Variants in RUNX1 observed in about 807,000 individuals in gnomAD.
RUNX1 encodes RUNX family transcription factor 1.
RUNX1 carries 19 observed loss-of-function variants against 42.8 expected under a neutral mutation model. The ratio of observed to expected loss-of-function variants is 0.44; its 90% CI spans 0.31 to 0.65. RUNX1 has a LOEUF of 0.65. Among genes scored for constraint, RUNX1 ranks in the 30% least tolerant of loss-of-function variants. The probability of loss-of-function intolerance (pLI) is 0.07; values close to 1 mark genes in which losing one functional copy is unlikely to be tolerated. For missense variants in RUNX1, 528 were observed against 672.0 expected (o/e 0.79, Z 2.37); for synonymous variants, 271 against 289.4 (o/e 0.94, Z 0.64).
intron 7 of RUNX1, chr21:34,821,446 T>G: frequency 7.3e-7 from 1 of 1,362,720 alleles, no homozygotes; most frequent in East Asian, 2.6e-5. Context: ...CTAACTCATT[T>G]AATCCTCACA....
At chr21:34,841,766 A>T (rs1022485997) in intron 6 of RUNX1, among the ~76,000 whole-genome samples, 1 of 152,076 alleles carries the variant, frequency 6.6e-6, no homozygotes, top group Non-Finnish European at 1.5e-5. Flanking sequence ...CTGAAATGTC[A>T]TCTTCTCCCT....
At chr21:34,959,570 A>G (rs1023543288) in intron 2 of RUNX1, among the ~76,000 whole-genome samples, 2 of 152,204 alleles carry the variant, frequency 1.3e-5, no homozygotes, top group Non-Finnish European at 2.9e-5. Flanking sequence ...TGCATTAAAA[A>G]TAAGACCAGA....
At chr21:34,837,406 T>G (rs1313403073) in intron 6 of RUNX1, among the ~76,000 whole-genome samples, 1 of 152,174 alleles carries the variant, frequency 6.6e-6, no homozygotes, top group Non-Finnish European at 1.5e-5. Flanking sequence ...AGGGTGTGGT[T>G]TGGATGCACT....
intron 2 of RUNX1, among the ~76,000 whole-genome samples, chr21:34,997,684 T>G (rs2059007211): frequency 1.3e-5 from 2 of 152,242 alleles, no homozygotes; most frequent in Admixed American, 1.3e-4. Context: ...GAGCTCTTTC[T>G]GTGTGGAGAT....
intron 2 of RUNX1, among the ~76,000 whole-genome samples, chr21:34,996,832 T>TA (rs572431130): frequency 1.4e-4 from 21 of 151,202 alleles, no homozygotes; most frequent in African/African-American, 9.7e-5. Context: ...GCCAAGATGT[T>TA]AAAAAAAAAT....
intron 7 of RUNX1, among the ~76,000 whole-genome samples, chr21:34,828,422 T>C (rs1405005972): frequency 6.6e-6 from 1 of 152,238 alleles, no homozygotes; most frequent in Non-Finnish European, 1.5e-5. Context: ...AAATGTTTCC[T>C]TGCATCTCAC....
intron 2 of RUNX1, among the ~76,000 whole-genome samples, chr21:34,905,067 T>C (rs2058207290): frequency 6.6e-6 from 1 of 152,148 alleles, no homozygotes; most frequent in Non-Finnish European, 1.5e-5. Context: ...TCAAATTGAG[T>C]CAGGTCCTGA....
At chr21:34,976,587 G>A (rs955877699) in intron 2 of RUNX1, among the ~76,000 whole-genome samples, 1 of 152,182 alleles carries the variant, frequency 6.6e-6, no homozygotes, top group African/African-American at 2.4e-5. Context: ...CACCGTGGAA[G>A]CTCTCTGATG....
chr21:34,830,688 G>C (rs2057051147), intron 7 of RUNX1, among the ~76,000 whole-genome samples: 1 of 152,096 alleles, frequency 6.6e-6, no homozygotes, highest in South Asian at 2.1e-4. Flanking sequence ...TTGAGATACT[G>C]GGCAATTTTT....
At position 34,991,779 on chromosome 21, in the gene RUNX1, G is replaced by A. The variant is rs529577083; in HGVS notation, c.58+57063C>T. On this transcript the variant is annotated intron_variant, in intron 2 of 8. Transcript: ENST00000675419. ...GAATGTGACCTTATTTGGATATAGC[G>A]TTTTTGAAGAAGTAACTGGTTAAGA... Among the ~76,000 whole-genome samples the A allele has an allele frequency of 1.4e-4, 22 of 152,268 alleles. No homozygotes were observed. In the East Asian group the frequency reaches 1.9e-3, roughly 13 times the overall value.
chr21:34,993,524 C>T (rs527325555), intron 2 of RUNX1, among the ~76,000 whole-genome samples: 2,344 of 139,820 alleles, frequency 0.017, 37 homozygotes, highest in Non-Finnish European at 0.022. Context: ...CACACACACA[C>T]ACATACATAC....
At position 34,875,823 on chromosome 21, in the gene RUNX1, A is replaced by G. The variant is rs190686597; in HGVS notation, c.508+4734T>C. Among the ~76,000 whole-genome samples, 81 of 152,240 alleles carry G rather than the reference A, an allele frequency of 5.3e-4. 1 individual carries two copies. In the South Asian group the frequency reaches 7.7e-3, roughly 14 times the overall value. ...TGTACCTTCCCTTCCTCTTGACCAC[A>G]GTCTTCCACTCACCTGAAGGGCAAC... is the stretch of plus-strand genomic sequence containing the variant. On this transcript the variant is annotated intron_variant, in intron 5 of 8. Coordinates refer to ENST00000675419, the MANE Select transcript of RUNX1 (RefSeq NM_001754.5).
intron 2 of RUNX1, among the ~76,000 whole-genome samples, chr21:34,967,481 C>A (rs1431050244): frequency 1.3e-5 from 2 of 151,258 alleles, no homozygotes; most frequent in Admixed American, 1.3e-4. Context: ...CGCCATCCAG[C>A]CCTGAACACA....
chr21:34,889,886 C>G (rs1331659171), intron 3 of RUNX1: 1 of 1,055,578 alleles, frequency 9.5e-7, no homozygotes, highest in Non-Finnish European at 1.2e-6. Flanking sequence ...CTCCCGGGGC[C>G]TCTCATCCAC....
chr21:35,041,232 G>A (rs192130841), intron 2 of RUNX1, among the ~76,000 whole-genome samples: 166 of 152,306 alleles, frequency 1.1e-3, no homozygotes, highest in Non-Finnish European at 1.8e-3. Context: ...CAAAATGTTG[G>A]AGCTGCATAG....
chr21:34,946,531 A>G (rs1016328659), intron 2 of RUNX1, among the ~76,000 whole-genome samples: 2 of 152,184 alleles, frequency 1.3e-5, no homozygotes, highest in African/African-American at 4.8e-5. Flanking sequence ...AGTTACAATA[A>G]GGTGCTGTAC....
At chr21:35,028,613 G>A (rs1198188624) in intron 2 of RUNX1, among the ~76,000 whole-genome samples, 2 of 152,298 alleles carry the variant, frequency 1.3e-5, no homozygotes, top group Middle Eastern at 3.4e-3. Flanking sequence ...TAGGCCACTC[G>A]ATTCTCATTT....
intron 2 of RUNX1, among the ~76,000 whole-genome samples, chr21:35,014,306 A>G (rs1356940627): frequency 6.6e-6 from 1 of 152,200 alleles, no homozygotes; most frequent in South Asian, 2.1e-4. Context: ...TAATATTTCA[A>G]TCTCCTGCAG....
intron 2 of RUNX1, among the ~76,000 whole-genome samples, chr21:34,964,789 G>A (rs991133860): frequency 4.6e-5 from 7 of 152,158 alleles, no homozygotes; most frequent in South Asian, 2.1e-4. Flanking sequence ...CCTCACCTGC[G>A]CATTGAATGC....
Sources: allele counts gnomAD v4.1 joint callset (sites outside exome capture counted in the v4.1 genomes callset), GRCh38; gene constraint gnomAD v4.1.1; transcripts MANE v1.5; gene names NCBI Gene and HGNC (gene_info 2026-07-23, HGNC 2026-07-21).